The following CMTM7 variants were observed in gnomAD, a reference collection of about 807,000 sequenced individuals.
CMTM7 encodes the protein CKLF like MARVEL transmembrane domain containing 7, also known as CKLF-like MARVEL transmembrane domain-containing protein 7.
Under a neutral mutation model 19.3 loss-of-function variants are expected in CMTM7, and 7 were observed. That is an observed-to-expected ratio of 0.36 (90% CI 0.21 to 0.68). CMTM7 has a LOEUF of 0.68. Among genes scored for constraint, CMTM7 ranks in the 30% least tolerant of loss-of-function variants. CMTM7 has a pLI of 0.60. For missense variants in CMTM7, 193 were observed against 232.6 expected, an observed-to-expected ratio of 0.83 and a Z score of 1.11; for synonymous variants, 87 against 99.3, an observed-to-expected ratio of 0.88 and a Z score of 0.74.
intron 1 of CMTM7, among the ~76,000 whole-genome samples, chr3:32,396,856 A>G (rs982912708): frequency 6.6e-6 from 1 of 152,256 alleles, no homozygotes; most frequent in Non-Finnish European, 1.5e-5. Flanking sequence ...GGGTCTAGAT[A>G]TCCTTGCTGT....
At chr3:32,430,215 C>A (rs73055078) in intron 1 of CMTM7, among the ~76,000 whole-genome samples, 4,861 of 152,288 alleles carry the variant, frequency 0.032, 120 homozygotes, top group Middle Eastern at 0.054. Flanking sequence ...AAAGATCCCT[C>A]GTACTTGTTT....
At position 32,441,894 on chromosome 3, in the gene CMTM7, A is replaced by G. The variant is rs1696682622; in HGVS notation, c.214A>G (p.Ser72Gly). Reference sequence around the variant, plus strand: ...GCGGAGCTCCCTGTGGACCAACTACAGCGCCTACAGCTACTTTGAAGTGGT... The same window carrying G: ...GCGGAGCTCCCTGTGGACCAACTACGGCGCCTACAGCTACTTTGAAGTGGT... The part of the protein sequence containing the change: ...CVRSSLWTNY[S>G]AYSYFEVVTI... The change falls in exon 2 of 5, where the codon AGC becomes GGC. Residue 72 changes from serine (S) to glycine (G), a missense_variant. Ser to Gly is a moderately conservative substitution (Grantham distance 56, BLOSUM62 0). Transcript: ENST00000334983. The G allele has an allele frequency of 5.6e-6, 9 of 1,614,106 alleles. No homozygotes were observed. The highest frequency in any genetic ancestry group is 7.6e-6 in the Non-Finnish European group (9 of 1,180,040).
intron 1 of CMTM7, among the ~76,000 whole-genome samples, chr3:32,437,581 A>G (rs1332421351): frequency 6.6e-6 from 1 of 151,704 alleles, no homozygotes; most frequent in African/African-American, 2.4e-5. Flanking sequence ...TGGGTGACAG[A>G]GTGAGACTCT....
At chr3:32,425,288 A>G (rs1336909344) in intron 1 of CMTM7, among the ~76,000 whole-genome samples, 1 of 152,234 alleles carries the variant, frequency 6.6e-6, no homozygotes, top group Admixed American at 6.5e-5. Context: ...CTTATGTCTC[A>G]GCAAGGGCTG....
intron 1 of CMTM7, among the ~76,000 whole-genome samples, chr3:32,426,154 C>CA (rs552748291): frequency 1.1e-3 from 168 of 151,900 alleles, no homozygotes; most frequent in African/African-American, 3.8e-3. Flanking sequence ...TCAAAAAAAA[C>CA]AAAAAAACAA....
intron 1 of CMTM7, among the ~76,000 whole-genome samples, chr3:32,425,458 C>G (rs1696416321): frequency 6.7e-6 from 1 of 150,348 alleles, no homozygotes; most frequent in Non-Finnish European, 1.5e-5. Flanking sequence ...CTGATTTTAT[C>G]TAGTTACCCA....
intron 1 of CMTM7, among the ~76,000 whole-genome samples, chr3:32,408,716 T>A (rs1450114149): frequency 1.3e-5 from 2 of 152,168 alleles, no homozygotes; most frequent in Non-Finnish European, 2.9e-5. Flanking sequence ...AAATAAATCT[T>A]ACTGCATCCT....
intron 1 of CMTM7, among the ~76,000 whole-genome samples, chr3:32,408,587 T>G (rs907308919): frequency 3.3e-5 from 5 of 152,142 alleles, no homozygotes; most frequent in African/African-American, 1.2e-4. Flanking sequence ...CAGAGAGTGG[T>G]TCTCAGATGG....
At chr3:32,432,590 G>A (rs867593481) in intron 1 of CMTM7, among the ~76,000 whole-genome samples, 1 of 152,160 alleles carries the variant, frequency 6.6e-6, no homozygotes, top group African/African-American at 2.4e-5. Flanking sequence ...CTCTGGCTCC[G>A]GATGCACTAG....
At chr3:32,447,208 C>A (rs1039030555) in intron 2 of CMTM7, among the ~76,000 whole-genome samples, 4 of 151,960 alleles carry the variant, frequency 2.6e-5, no homozygotes, top group Admixed American at 2.0e-4. Flanking sequence ...TGTTTAATCT[C>A]TATATATTTC....
chr3:32,418,910 A>G (rs1162311189), intron 1 of CMTM7, among the ~76,000 whole-genome samples: 3 of 152,238 alleles, frequency 2.0e-5, no homozygotes, highest in Admixed American at 6.5e-5. Flanking sequence ...CCAATATTAC[A>G]AAAATAACAG....
At chr3:32,441,281 G>A (rs1016116238) in intron 1 of CMTM7, among the ~76,000 whole-genome samples, 2 of 152,138 alleles carry the variant, frequency 1.3e-5, no homozygotes, top group Non-Finnish European at 2.9e-5. Context: ...TTATGAACAT[G>A]GGGATGATTT....
At chr3:32,425,014 G>A (rs1358849488) in intron 1 of CMTM7, among the ~76,000 whole-genome samples, 1 of 152,154 alleles carries the variant, frequency 6.6e-6, no homozygotes, top group African/African-American at 2.4e-5. Flanking sequence ...ACATAGAAGA[G>A]GCAGGAAGCA....
chr3:32,433,791 A>G (rs567999814), intron 1 of CMTM7, among the ~76,000 whole-genome samples: 4 of 152,280 alleles, frequency 2.6e-5, no homozygotes, highest in East Asian at 1.9e-4. Context: ...ATTTCAACCA[A>G]TGGGGAAAAA....
intron 1 of CMTM7, among the ~76,000 whole-genome samples, chr3:32,404,077 T>C (rs749397061): frequency 9.9e-5 from 15 of 152,132 alleles, no homozygotes; most frequent in Non-Finnish European, 2.2e-4. Flanking sequence ...AAAGTTTCAA[T>C]TCCTGCTCTA....
intron 1 of CMTM7, among the ~76,000 whole-genome samples, chr3:32,423,155 G>A (rs1559407905): frequency 6.6e-6 from 1 of 152,154 alleles, no homozygotes. Flanking sequence ...TTCTCCTGGG[G>A]TAACTGCAGT....
At chr3:32,402,741 A>ATTT (rs1696029392) in intron 1 of CMTM7, among the ~76,000 whole-genome samples, 1 of 151,534 alleles carries the variant, frequency 6.6e-6, no homozygotes, top group African/African-American at 2.4e-5. Flanking sequence ...TAACTTTTGT[A>ATTT]TTTTTACTAG....
chr3:32,406,451 G>C (rs142907781), intron 1 of CMTM7, among the ~76,000 whole-genome samples: 269 of 152,280 alleles, frequency 1.8e-3, no homozygotes, highest in African/African-American at 6.3e-3. Flanking sequence ...ACATCAACTT[G>C]TGATCTTCTC....
chr3:32,439,103 C>T (rs1184851978), intron 1 of CMTM7, among the ~76,000 whole-genome samples: 1 of 152,200 alleles, frequency 6.6e-6, no homozygotes, highest in Non-Finnish European at 1.5e-5. Flanking sequence ...CAGCAAAGCC[C>T]TGGCGATCAT....
Sources: allele counts gnomAD v4.1 joint callset (sites outside exome capture counted in the v4.1 genomes callset), GRCh38; gene constraint gnomAD v4.1.1; transcripts MANE v1.5; gene names NCBI Gene and HGNC (gene_info 2026-07-23, HGNC 2026-07-21).